The following MYO15A variants were observed in gnomAD, a reference collection of about 807,000 sequenced individuals.
MYO15A encodes myosin XVA, also known as unconventional myosin-XV.
A neutral mutation model predicts 394.6 loss-of-function variants in MYO15A; 308 were observed. That is an observed-to-expected ratio of 0.78 (90% CI 0.71 to 0.86). The LOEUF (loss-of-function observed/expected upper bound fraction) is 0.86. Ranked by LOEUF, MYO15A falls within the 40% of genes least tolerant of loss-of-function variation. The pLI is 0.00. For synonymous variants in MYO15A, 1,957 were observed against 2,003.8 expected (o/e 0.98, Z 0.62); for missense variants, 4,606 against 4,799.1 (o/e 0.96, Z 1.19).
chr17:18,161,093 C>T, intron 56 of MYO15A: 1 of 695,238 alleles, frequency 1.4e-6, no homozygotes, highest in East Asian at 2.7e-5. Flanking sequence ...AGTGCTTCCC[C>T]TACCTGGGGA....
intron 62 of MYO15A, among the ~76,000 whole-genome samples, chr17:18,169,840 C>CT (rs1307203524): frequency 6.6e-6 from 1 of 151,740 alleles, no homozygotes; most frequent in Non-Finnish European, 1.5e-5. Context: ...TGGCACATGC[C>CT]TGTAGTCCCA....
At chr17:18,137,462 G>T in intron 15 of MYO15A, 122 bp from the exon 16 acceptor site, 1 of 769,038 alleles carries the variant, frequency 1.3e-6, no homozygotes, top group Non-Finnish European at 2.3e-6. Flanking sequence ...AGCTGTGGAG[G>T]GTTGTGAGCT....
rs1285836837 is a variant in MYO15A at position 18,144,683 on chromosome 17, A to G, written c.6273+91A>G. 9.7e-6 allele frequency: 12 copies of G among 1,241,846 alleles called. No individual in the cohort carries two copies. The Admixed American group carries it at 1.9e-4, about 20-fold the overall frequency. 76.9% of individuals were successfully genotyped at this position (1,241,846 alleles called of 1,614,324 possible). A position where few individuals can be genotyped will look rare whatever the true frequency, so the allele number is the denominator to read the frequency against. On this transcript the variant is annotated intron_variant, in intron 29 of 65. Transcript: ENST00000647165. ...CTCCCAGTCTTCCCAGCCCTCCCCA[A>G]GCCCAACCCATGAGCCCCACACCTC...
intron 12 of MYO15A, among the ~76,000 whole-genome samples, chr17:18,134,058 C>T (rs947674819): frequency 6.6e-6 from 1 of 151,928 alleles, no homozygotes; most frequent in Non-Finnish European, 1.5e-5. Flanking sequence ...GGCGCAATCT[C>T]GGCTCATTGC....
chr17:18,174,236 A>T, intron 65 of MYO15A, among the ~76,000 whole-genome samples: 1 of 152,146 alleles, frequency 6.6e-6, no homozygotes, highest in East Asian at 1.9e-4. Context: ...TTGAGGGTGG[A>T]GAAACTGGGC....
intron 58 of MYO15A, 118 bp downstream of exon 58, chr17:18,162,797 C>A (rs1004133146): frequency 1.7e-5 from 18 of 1,031,646 alleles, no homozygotes; most frequent in Non-Finnish European, 2.2e-5. Flanking sequence ...GTCAGGAGTT[C>A]GAGACCAGCC....
chr17:18,118,596 C>A lies in MYO15A; in HGVS notation c.-205C>A. Reference sequence around the variant, plus strand: ...TACTGCTCTAGGGTGAAACCCAAGGCGCTCTAGAGGAGATGAATTATGGAT... The same window carrying A: ...TACTGCTCTAGGGTGAAACCCAAGGAGCTCTAGAGGAGATGAATTATGGAT... On this transcript the variant is annotated 5_prime_UTR_variant, in exon 2 of 66. Transcript: ENST00000647165. 2 of 681,468 alleles carry A rather than the reference C, an allele frequency of 2.9e-6. No individual in the cohort carries two copies. Among genetic ancestry groups the A allele is most frequent in the South Asian group, 3.8e-5 (2 of 52,252 alleles). 42.2% of individuals were successfully genotyped at this position (681,468 alleles called of 1,614,324 possible). A position where few individuals can be genotyped will look rare whatever the true frequency, so the allele number is the denominator to read the frequency against.
intron 34 of MYO15A, 52 bp downstream of exon 34, chr17:18,149,428 T>G (rs770752753): frequency 6.2e-7 from 1 of 1,613,458 alleles, no homozygotes; most frequent in Non-Finnish European, 8.5e-7. Context: ...TTAGAGGCTG[T>G]GTGGGGTGGA....
At position 18,120,128 on chromosome 17, in the gene MYO15A, T is replaced by C; in HGVS notation, c.1328T>C (p.Val443Ala). 1 of 1,612,926 alleles carries C rather than the reference T, an allele frequency of 6.2e-7. No individual in the cohort carries two copies. Among genetic ancestry groups the C allele is most frequent in the South Asian group, 1.1e-5 (1 of 91,084 alleles). ...CTGGAGGAACCAGAGGACGCGGGCGTAGAGCGTCAGGGGACCTCCTTCCGC... is the reference window on the plus strand; with the variant it reads ...CTGGAGGAACCAGAGGACGCGGGCGCAGAGCGTCAGGGGACCTCCTTCCGC... ...AELEEPEDAG[V>A]ERQGTSFRLP... The change falls in exon 2 of 66, where the codon GTA (valine) becomes GCA (alanine). Residue 443 changes from valine (V) to alanine (A), a missense_variant. This residue lies in a region of MYO15A where 1,830 missense variants were observed against 1,689.7 expected (regional missense o/e 1.08). Coordinates refer to ENST00000647165, the MANE Select transcript of MYO15A (RefSeq NM_016239.4).
rs77004120 is a variant in MYO15A, at chr17:18,124,171, C to A, written c.3610-312C>A. On this transcript the variant is annotated intron_variant, in intron 2 of 65. Coordinates refer to ENST00000647165, the MANE Select transcript of MYO15A (RefSeq NM_016239.4). The stretch of plus-strand genomic sequence containing the variant: ...GGGTCTGCTGGTGCTGGAAGAGTTG[C>A]GGTTGGGAGGGAGCTGGCCCATGCG... 1.8e-3 allele frequency: 759 copies of A among 416,016 alleles called. 6 individuals carry two copies. The highest frequency in any genetic ancestry group is 0.014 in the African/African-American group (679 of 49,538). 25.8% of individuals were successfully genotyped at this position (416,016 alleles called of 1,614,324 possible).
chr17:18,165,951 C>A (rs2046847737), intron 60 of MYO15A, among the ~76,000 whole-genome samples: 2 of 152,176 alleles, frequency 1.3e-5, no homozygotes, highest in Admixed American at 6.5e-5. Flanking sequence ...CCCACTGGGT[C>A]TCATAGTGTG....
intron 7 of MYO15A, among the ~76,000 whole-genome samples, 158 bp from the exon 8 acceptor site, chr17:18,130,647 A>G (rs1371341813): frequency 6.6e-6 from 1 of 152,036 alleles, no homozygotes; most frequent in Non-Finnish European, 1.5e-5. Flanking sequence ...GCAGTCCCCA[A>G]GCCTGGACCC....
intron 29 of MYO15A, 69 bp from the exon 30 acceptor site, chr17:18,145,803 C>T (rs2046467367): frequency 7.3e-7 from 1 of 1,369,500 alleles, no homozygotes; most frequent in African/African-American, 1.4e-5. Flanking sequence ...GAGAGGGATG[C>T]ATGTTGTGGG....
chr17:18,162,690 G>A lies in MYO15A; in HGVS notation c.9612+11G>A, dbSNP rs2046794260. The A allele has an allele frequency of 2.5e-6, 4 of 1,613,422 alleles. No individual in the cohort carries two copies. Among genetic ancestry groups the A allele is most frequent in the African/African-American group, 1.3e-5 (1 of 75,032 alleles). The stretch of plus-strand genomic sequence containing the variant: ...CTTCGGGCCATGTTGGTGAGCATAG[G>A]GTGGGAGTGGGTTCAAAATGAATGG... On this transcript the variant is annotated intron_variant, in intron 58 of 65. Transcript: ENST00000647165.
At chr17:18,172,083 A>G (rs1281360617) in intron 63 of MYO15A, 74 bp from the exon 64 acceptor site, 3 of 1,609,058 alleles carry the variant, frequency 1.9e-6, no homozygotes, top group Admixed American at 1.7e-5. Context: ...CAGAGAAGCT[A>G]TGCAGTTCAG....
chr17:18,150,661 T>G lies in MYO15A; in HGVS notation c.7328-37T>G. The G allele has an allele frequency of 6.3e-7, 1 of 1,591,504 alleles. No individual in the cohort carries two copies. The highest frequency in any genetic ancestry group is 8.6e-7 in the Non-Finnish European group (1 of 1,167,178). On this transcript the variant is annotated intron_variant, in intron 36 of 65. Coordinates refer to ENST00000647165, the MANE Select transcript of MYO15A (RefSeq NM_016239.4). The surrounding 1 kb of genome is among the most constrained non-coding windows in gnomAD (Gnocchi z 4.4). Reference sequence around the variant, plus strand: ...CTGAGAGGACAGGGAGGAGGGCATCTCCGGTGCCATCTGTGCCTTCTGCCC... The same window carrying G: ...CTGAGAGGACAGGGAGGAGGGCATCGCCGGTGCCATCTGTGCCTTCTGCCC...
intron 51 of MYO15A, chr17:18,158,182 C>T (rs569117658): frequency 1.9e-5 from 11 of 590,734 alleles, no homozygotes; most frequent in Admixed American, 3.1e-5. Flanking sequence ...CCGGGGCCCG[C>T]CAGTTGGTGA....
At position 18,121,669 on chromosome 17, in the gene MYO15A, C is replaced by A. The variant is rs768639049; in HGVS notation, c.2869C>A (p.Pro957Thr). ...CAGCCGCCGAGGCTTTTCCAGGCCA[C>A]CCCCTGTGCCGGAAAACCCCTTTCT... ...AGSRRGFSRP[P>T]PVPENPFLQL... The change falls in exon 2 of 66, where the codon CCC (proline) becomes ACC (threonine). Residue 957 changes from proline to threonine, a missense_variant. By Grantham distance (38) the Pro-to-Thr change is conservative. Coordinates refer to ENST00000647165, the MANE Select transcript of MYO15A (RefSeq NM_016239.4). This position sits in a 1 kb window ranked among gnomAD's most constrained non-coding sequence, Gnocchi z 5.3. 3.7e-6 allele frequency: 6 copies of A among 1,606,656 alleles called. No individual in the cohort carries two copies. The highest frequency in any genetic ancestry group is 1.7e-4 in the Middle Eastern group (1 of 6,000).
chr17:18,146,722 G>C (rs769080934), intron 30 of MYO15A, among the ~76,000 whole-genome samples: 9 of 152,130 alleles, frequency 5.9e-5, no homozygotes, highest in Admixed American at 5.9e-4. Flanking sequence ...CCCAGGAGTT[G>C]AAGACCAGCC....
Sources: allele counts gnomAD v4.1 joint callset (sites outside exome capture counted in the v4.1 genomes callset), GRCh38; gene constraint gnomAD v4.1.1; regional missense constraint gnomAD v4.1.1; non-coding constraint Gnocchi (gnomAD v3.1); transcripts MANE v1.5; gene names NCBI Gene and HGNC (gene_info 2026-07-23, HGNC 2026-07-21).